The following CMIP variants were observed in gnomAD, a reference collection of about 807,000 sequenced individuals.
CMIP encodes c-Maf inducing protein.
CMIP carries 13 observed loss-of-function variants against 97.3 expected under a neutral mutation model. The observed-to-expected ratio is 0.13, with a 90% CI of 0.09 to 0.21. The LOEUF (loss-of-function observed/expected upper bound fraction) is 0.21. CMIP is among the 10% of genes least tolerant of loss of function. The pLI is 1.00. For synonymous variants in CMIP, 538 were observed against 436.3 expected (o/e 1.23, Z -2.91); for missense variants, 847 against 1,024.9 (o/e 0.83, Z 2.37).
intron 4 of CMIP, among the ~76,000 whole-genome samples, chr16:81,654,522 G>A (rs1206625220): frequency 6.6e-6 from 1 of 152,210 alleles, no homozygotes; most frequent in African/African-American, 2.4e-5. Context: ...TGTCAGGCAA[G>A]GAGTCAGCAT....
intron 3 of CMIP, among the ~76,000 whole-genome samples, chr16:81,637,861 T>C (rs931817948): frequency 3.9e-5 from 6 of 152,206 alleles, no homozygotes; most frequent in Non-Finnish European, 8.8e-5. Flanking sequence ...TCAAGGTAGA[T>C]TGGTGAGGGC....
intron 1 of CMIP, among the ~76,000 whole-genome samples, chr16:81,457,576 C>A (rs12050950): frequency 2.6e-4 from 39 of 152,230 alleles, no homozygotes; most frequent in South Asian, 8.3e-4. Flanking sequence ...ACCCGTGATA[C>A]GTAACAAGCA....
At chr16:81,477,271 C>T (rs1418999916) in intron 1 of CMIP, among the ~76,000 whole-genome samples, 1 of 152,150 alleles carries the variant, frequency 6.6e-6, no homozygotes, top group Non-Finnish European at 1.5e-5. Context: ...TTTCCTGTCC[C>T]AGCTTCCTGA....
intron 15 of CMIP, 121 bp from the exon 16 acceptor site, chr16:81,701,539 G>A: frequency 7.3e-7 from 1 of 1,379,264 alleles, no homozygotes; most frequent in Non-Finnish European, 1.0e-6. Context: ...TACACAGCCG[G>A]GGCTGCAGAA....
At chr16:81,574,438 G>A (rs368332604) in intron 1 of CMIP, among the ~76,000 whole-genome samples, 1 of 152,262 alleles carries the variant, frequency 6.6e-6, no homozygotes, top group Non-Finnish European at 1.5e-5. Context: ...AGGACCGGGC[G>A]AAGCCCGAGT....
At chr16:81,586,918 G>T (rs2091392388) in intron 1 of CMIP, among the ~76,000 whole-genome samples, 1 of 152,202 alleles carries the variant, frequency 6.6e-6, no homozygotes, top group Non-Finnish European at 1.5e-5. Context: ...AGAACTCAAA[G>T]AGGAGAGCTC....
intron 9 of CMIP, among the ~76,000 whole-genome samples, chr16:81,674,624 C>T (rs895567461): frequency 3.3e-5 from 5 of 151,372 alleles, no homozygotes; most frequent in South Asian, 2.1e-4. Flanking sequence ...TAGCTGTTGT[C>T]GCCCAGGCTG....
In CMIP at chr16:81,455,558, T is replaced by G. The variant is rs114038989; in HGVS notation, c.300+10017T>G. The stretch of plus-strand genomic sequence containing the variant: ...GTAAGTGCGAGTTCTACCACTCCCC[T>G]GCTGCAGGGCTCTGTCCGTACTGAA... On this transcript the variant is annotated intron_variant, in intron 1 of 20. Transcript: ENST00000537098. Among the ~76,000 whole-genome samples the G allele has an allele frequency of 9.9e-3, 1,506 of 152,310 alleles. 33 individuals are homozygous for G. The highest frequency in any genetic ancestry group is 0.034 in the African/African-American group (1,425 of 41,564).
chr16:81,516,711 G>A (rs1221363131), intron 1 of CMIP, among the ~76,000 whole-genome samples: 1 of 152,224 alleles, frequency 6.6e-6, no homozygotes, highest in African/African-American at 2.4e-5. Context: ...CCTGGGGGCT[G>A]GGACCAGGGC....
At position 81,616,603 on chromosome 16, in the gene CMIP, C is replaced by T. The variant is rs938150274; in HGVS notation, c.427-4273C>T. On this transcript the variant is annotated intron_variant, in intron 2 of 20. Transcript: ENST00000537098. This position sits in a 1 kb window ranked among gnomAD's most constrained non-coding sequence, Gnocchi z 4.7. ...GCAAACTAAACCTGCCTTCTTGAAC[C>T]GAAACCTGCCTTCTTCCTGGACTGC... Among the ~76,000 whole-genome samples the T allele has an allele frequency of 1.3e-5, 2 of 152,202 alleles. No individual in the cohort carries two copies. The highest frequency in any genetic ancestry group is 2.4e-5 in the African/African-American group (1 of 41,436).
chr16:81,462,005 T>G (rs1344259174), intron 1 of CMIP, among the ~76,000 whole-genome samples: 1 of 152,250 alleles, frequency 6.6e-6, no homozygotes, highest in Non-Finnish European at 1.5e-5. Flanking sequence ...TCTTCCTCTT[T>G]CCTTCTCGGA....
intron 1 of CMIP, among the ~76,000 whole-genome samples, chr16:81,490,891 G>T (rs1044587920): frequency 1.3e-4 from 20 of 152,170 alleles, no homozygotes; most frequent in African/African-American, 4.8e-4. Flanking sequence ...ACTGGGTGCA[G>T]AATACACACT....
intron 1 of CMIP, among the ~76,000 whole-genome samples, chr16:81,488,448 A>T (rs75076446): frequency 0.045 from 6,840 of 152,258 alleles, 184 homozygotes; most frequent in Non-Finnish European, 0.062. Flanking sequence ...ACTGGGCCCG[A>T]TGCACGGAGG....
intron 1 of CMIP, among the ~76,000 whole-genome samples, chr16:81,554,835 A>G (rs541737645): frequency 1.3e-5 from 2 of 152,240 alleles, no homozygotes; most frequent in African/African-American, 2.4e-5. Context: ...CGTGTCTGCT[A>G]GGAACTAACA....
chr16:81,669,010 C>T (rs997233534), intron 7 of CMIP, among the ~76,000 whole-genome samples: 6 of 148,528 alleles, frequency 4.0e-5, no homozygotes, highest in African/African-American at 1.3e-4. Flanking sequence ...CTTCCACACC[C>T]ACCTCACACT....
At chr16:81,613,194 G>A (rs17200742) in intron 2 of CMIP, among the ~76,000 whole-genome samples, 3 of 151,960 alleles carry the variant, frequency 2.0e-5, no homozygotes, top group South Asian at 2.1e-4. Context: ...AAGTTCTGGC[G>A]CTTCCCTTAG....
At chr16:81,686,365 C>T (rs1905388662) in intron 10 of CMIP, among the ~76,000 whole-genome samples, 1 of 152,188 alleles carries the variant, frequency 6.6e-6, no homozygotes, top group South Asian at 2.1e-4. Flanking sequence ...GCCTCAGGCT[C>T]CTGCAGCTCT....
At chr16:81,690,778 T>C (rs570115320) in intron 10 of CMIP, among the ~76,000 whole-genome samples, 5 of 152,026 alleles carry the variant, frequency 3.3e-5, no homozygotes, top group Non-Finnish European at 7.4e-5. Context: ...TACAAAAAAT[T>C]AGCTGGGCAT....
At chr16:81,491,893 A>G (rs2089411912) in intron 1 of CMIP, among the ~76,000 whole-genome samples, 1 of 152,210 alleles carries the variant, frequency 6.6e-6, no homozygotes, top group Non-Finnish European at 1.5e-5. Context: ...TACCGTCATC[A>G]GCGGAGATGA....
Sources: allele counts gnomAD v4.1 joint callset (sites outside exome capture counted in the v4.1 genomes callset), GRCh38; gene constraint gnomAD v4.1.1; non-coding constraint Gnocchi (gnomAD v3.1); transcripts MANE v1.5; gene names NCBI Gene and HGNC (gene_info 2026-07-23, HGNC 2026-07-21).